Variants in TCEAL7 observed in about 807,000 individuals in gnomAD.
TCEAL7 encodes the protein transcription elongation factor A like 7, also known as transcription elongation factor A protein-like 7.
For synonymous variants in TCEAL7, 22 were observed against 25.5 expected (o/e 0.86, Z 0.42); for missense variants, 63 against 77.9 (o/e 0.81, Z 0.72).
At chrX:103,331,227 A>AG in intron 2 of TCEAL7, 150 bp from the exon 3 acceptor site, 1 of 437,432 alleles carries the variant, frequency 2.3e-6, no homozygotes, top group African/African-American at 2.5e-5. Context: ...AGGGGAGAAA[A>AG]GGGGGAGATG....
rs771493231 is a variant in TCEAL7 at position 103,330,359 on chromosome X, G to A, written c.-146+55G>A. 3.6e-5 allele frequency: 4 copies of A among 111,438 alleles called. No homozygotes were observed. In the East Asian group the frequency reaches 8.5e-4, roughly 24 times the overall value. The allele number at this position is 111,438 out of a possible 1,213,427, so 9.2% of individuals were successfully genotyped here. A position where few individuals can be genotyped will look rare whatever the true frequency, so the allele number is the denominator to read the frequency against. ...GTGAAGGAACCACTGGACCCCCGGG[G>A]TCAGTAGTGGGTGAATCTAATGACT... On this transcript the variant is annotated intron_variant, in intron 1 of 2. Transcript: ENST00000332431.
rs1362914834 is a variant in TCEAL7 at position 103,332,186 on chromosome X, A to G, written c.*480A>G. 3.2e-5 allele frequency: 4 copies of G among 124,177 alleles called. No homozygotes were observed. The highest frequency in any genetic ancestry group is 1.9e-4 in the Admixed American group (2 of 10,629). 10.2% of individuals were successfully genotyped at this position (124,177 alleles called of 1,213,427 possible). On this transcript the variant is annotated 3_prime_UTR_variant, in exon 3 of 3. Transcript: ENST00000332431. ...CACAAAAAACCCTAAAGTAGACAGT[A>G]AAAGAACTTGTCAATCGCCTTTGGA...
chrX:103,331,818 G>T lies in TCEAL7; in HGVS notation c.*112G>T. 1.7e-6 allele frequency: 1 copy of T among 604,677 alleles called. No homozygotes were observed. 49.8% of individuals were successfully genotyped at this position (604,677 alleles called of 1,213,427 possible). A position where few individuals can be genotyped will look rare whatever the true frequency, so the allele number is the denominator to read the frequency against. On this transcript the variant is annotated 3_prime_UTR_variant, in exon 3 of 3. Transcript: ENST00000332431. ...TATCGTTTTACTCCAGTCATTCGAT[G>T]TTGCTGAGATTTACATATGACTCTT... is the stretch of plus-strand genomic sequence containing the variant.
chrX:103,330,740 G>C (rs772277080), intron 1 of TCEAL7, among the ~76,000 whole-genome samples, 183 bp from the exon 2 acceptor site: 2 of 110,744 alleles, frequency 1.8e-5, no homozygotes. Context: ...ACGGGGCGAA[G>C]GAGGGAGACG....
rs1926513343 is a variant in TCEAL7, at chrX:103,331,437, C to G, written c.34C>G (p.Pro12Ala). 3 of 1,192,497 alleles carry G rather than the reference C, an allele frequency of 2.5e-6. No individual in the cohort carries two copies. In the South Asian group the frequency reaches 5.5e-5, roughly 22 times the overall value. The change falls in exon 3 of 3, where the codon CCA becomes GCA. Residue 12 changes from proline (P) to alanine (A), a missense_variant. Physicochemically the swap from Pro to Ala is conservative, Grantham distance 27. Coordinates refer to ENST00000332431, the MANE Select transcript of TCEAL7 (RefSeq NM_152278.5). Reference sequence around the variant, plus strand: ...ACCCTGCAAAGAAAACGAAGGAAAGCCAAAGTGCAGCGTGCCAAAGAGGGA... The same window carrying G: ...ACCCTGCAAAGAAAACGAAGGAAAGGCAAAGTGCAGCGTGCCAAAGAGGGA... ...QKPCKENEGK[P>A]KCSVPKREEK...
At position 103,331,427 on chromosome X, in the gene TCEAL7, C is replaced by G. The variant is rs887517764; in HGVS notation, c.24C>G (p.Asn8Lys). The G allele has an allele frequency of 8.5e-7, 1 of 1,182,585 alleles. No homozygotes were observed. The highest frequency in any genetic ancestry group is 1.1e-6 in the Non-Finnish European group (1 of 882,524). MQKPCKE[N>K]EGKPKCSVPK... ...TCATGCAAAAACCCTGCAAAGAAAA[C>G]GAAGGAAAGCCAAAGTGCAGCGTGC... Residue 8 changes from asparagine to lysine, a missense_variant, in exon 3 of 3, where the codon AAC becomes AAG. Coordinates refer to ENST00000332431, the MANE Select transcript of TCEAL7 (RefSeq NM_152278.5).
chrX:103,331,400 C>A lies in TCEAL7; in HGVS notation c.-4C>A. On this transcript the variant is annotated 5_prime_UTR_variant, in exon 3 of 3. Transcript: ENST00000332431. ...AGAGTTAAGCAGGAAACAACAACAA[C>A]ATCATGCAAAAACCCTGCAAAGAAA... 1.7e-6 allele frequency: 2 copies of A among 1,164,620 alleles called. No homozygotes were observed. The highest frequency in any genetic ancestry group is 2.3e-6 in the Non-Finnish European group (2 of 873,470).
chrX:103,331,175 T>C (rs1260287459), intron 2 of TCEAL7, 135 bp downstream of exon 2: 1 of 375,877 alleles, frequency 2.7e-6, no homozygotes, highest in African/African-American at 2.6e-5. Context: ...GGAGAGGCCA[T>C]TAGCTTTGTC....
rs372586506 is a variant in TCEAL7, at chrX:103,331,459, G to A, written c.56G>A (p.Arg19Lys). 6.7e-5 allele frequency: 81 copies of A among 1,203,741 alleles called. No individual in the cohort carries two copies. The highest frequency in any genetic ancestry group is 8.9e-5 in the Non-Finnish European group (79 of 891,892). ...AAGCCAAAGTGCAGCGTGCCAAAGA[G>A]GGAGGAAAAACGCCCGTATGGAGAA... ...EGKPKCSVPK[R>K]EEKRPYGEFE... is the part of the protein sequence containing the mutation. Residue 19 changes from arginine to lysine, a missense_variant, in exon 3 of 3, where the codon AGG becomes AAG. By Grantham distance (26) the Arg-to-Lys change is conservative. Transcript: ENST00000332431.
In TCEAL7 at chrX:103,332,203, G is replaced by T. The variant is rs762178201; in HGVS notation, c.*497G>T. 8.1e-6 allele frequency: 1 copy of T among 123,684 alleles called. No homozygotes were observed. The highest frequency in any genetic ancestry group is 3.2e-5 in the African/African-American group (1 of 30,833). The allele number at this position is 123,684 out of a possible 1,213,427, so 10.2% of individuals were successfully genotyped here. A position where few individuals can be genotyped will look rare whatever the true frequency, so the allele number is the denominator to read the frequency against. On this transcript the variant is annotated 3_prime_UTR_variant, in exon 3 of 3. Transcript: ENST00000332431. ...TAGACAGTAAAAGAACTTGTCAATC[G>T]CCTTTGGAAGGCAATGAAACACTTA...
Position 103,331,614 on chromosome X carries a change from A to T in TCEAL7, c.211A>T (p.Arg71Trp). 8.3e-7 allele frequency: 1 copy of T among 1,208,730 alleles called. No individual in the cohort carries two copies. Among genetic ancestry groups the T allele is most frequent in the South Asian group, 1.8e-5 (1 of 56,855 alleles). Reference sequence around the variant, plus strand: ...GACAAGGGAGGGAGATGAGATGGAAAGGTGTTTGGAAGAGATAAGGGGTCT... The same window carrying T: ...GACAAGGGAGGGAGATGAGATGGAATGGTGTTTGGAAGAGATAAGGGGTCT... Reference protein sequence around the residue: ...EMTREGDEMERCLEEIRGLRK... With the variant: ...EMTREGDEMEWCLEEIRGLRK... Residue 71 changes from arginine to tryptophan, a missense_variant, in exon 3 of 3, where the codon AGG (arginine) becomes TGG (tryptophan). Coordinates refer to ENST00000332431, the MANE Select transcript of TCEAL7 (RefSeq NM_152278.5).
chrX:103,331,296 G>A (rs1447839479), intron 2 of TCEAL7, 81 bp from the exon 3 acceptor site: 1 of 865,520 alleles, frequency 1.2e-6, no homozygotes, highest in African/African-American at 2.1e-5. Flanking sequence ...GCAGAGATGG[G>A]AAAGTATCTT....
In TCEAL7 at chrX:103,331,491, C is replaced by T; in HGVS notation, c.88C>T (p.Arg30Cys). ...EEKRPYGEFE[R>C]QQTEGNFRQR... ...AAAACGCCCGTATGGAGAATTTGAA[C>T]GCCAGCAAACAGAAGGGAATTTTAG... is the stretch of plus-strand genomic sequence containing the variant. Residue 30 changes from arginine to cysteine, a missense_variant, in exon 3 of 3, where the codon CGC becomes TGC. Coordinates refer to ENST00000332431, the MANE Select transcript of TCEAL7 (RefSeq NM_152278.5). 2 of 1,209,753 alleles carry T rather than the reference C, an allele frequency of 1.7e-6. No individual in the cohort carries two copies. Among genetic ancestry groups the T allele is most frequent in the Non-Finnish European group, 2.2e-6 (2 of 894,387 alleles).
At chrX:103,330,651 G>C (rs1408304027) in intron 1 of TCEAL7, among the ~76,000 whole-genome samples, 1 of 111,105 alleles carries the variant, frequency 9.0e-6, no homozygotes, top group African/African-American at 3.3e-5. Context: ...CCGGGATGGA[G>C]ACAACAGAAA....
chrX:103,331,601 AGAT>A lies in TCEAL7; in HGVS notation c.201_203del (p.Asp67del). The stretch of plus-strand genomic sequence containing the variant: ...AAGATGAAGAAATGACAAGGGAGGG[AGAT>A]GAGATGGAAAGGTGTTTGGAAGAGA... On this transcript the variant is annotated inframe_deletion, in exon 3 of 3. Coordinates refer to ENST00000332431, the MANE Select transcript of TCEAL7 (RefSeq NM_152278.5). 6 of 1,207,542 alleles carry A rather than the reference AGAT, an allele frequency of 5.0e-6. No homozygotes were observed. Among genetic ancestry groups the A allele is most frequent in the Non-Finnish European group, 6.7e-6 (6 of 892,011 alleles).
chrX:103,330,970 T>C lies in TCEAL7; in HGVS notation c.-98T>C. ...CTTCCTCCCCGCCCCTTCCTTTTTG[T>C]TTGGAGGTCCCAGGATCTGTGTTCA... is the stretch of plus-strand genomic sequence containing the variant. On this transcript the variant is annotated 5_prime_UTR_variant, in exon 2 of 3. Transcript: ENST00000332431. The C allele has an allele frequency of 8.5e-6, 1 of 117,415 alleles. No homozygotes were observed. The highest frequency in any genetic ancestry group is 1.8e-5 in the Non-Finnish European group (1 of 56,161). 9.7% of individuals were successfully genotyped at this position (117,415 alleles called of 1,213,427 possible).
Position 103,330,914 on chromosome X carries a change from T to G in TCEAL7, c.-145-9T>G. 1 of 112,672 alleles carries G rather than the reference T, an allele frequency of 8.9e-6. No individual in the cohort carries two copies. The allele number at this position is 112,672 out of a possible 1,213,427, so 9.3% of individuals were successfully genotyped here. ...GTTCAAAATAATAACGTCTGTCTTG[T>G]CTCTGGAGCTGGTTGATCCACAGAT... On this transcript the variant is annotated splice_polypyrimidine_tract_variant and intron_variant, in intron 1 of 2. Transcript: ENST00000332431.
chrX:103,330,334 G>A (rs1019512369), intron 1 of TCEAL7, 30 bp downstream of exon 1: 2 of 111,681 alleles, frequency 1.8e-5, no homozygotes. Context: ...GCAGGTTGGA[G>A]TGAAGGAACC....
chrX:103,331,285 G>A, intron 2 of TCEAL7, 92 bp from the exon 3 acceptor site: 1 of 766,570 alleles, frequency 1.3e-6, no homozygotes, highest in Admixed American at 3.8e-5. Flanking sequence ...GGACCTGTGG[G>A]GCAGAGATGG....
Sources: gnomAD v4.1 joint callset for allele counts (sites outside exome capture counted in the v4.1 genomes callset) on GRCh38, gnomAD v4.1.1 for gene constraint, MANE v1.5 for transcripts, NCBI Gene and HGNC (gene_info 2026-07-23, HGNC 2026-07-21) for gene names.